Variants in SYNDIG1L observed in about 807,000 individuals in gnomAD.
SYNDIG1L encodes the protein synapse differentiation inducing 1 like.
In SYNDIG1L, 13 loss-of-function variants were observed where a neutral mutation model predicts 20.1. The ratio of observed to expected loss-of-function variants is 0.65; its 90% CI spans 0.42 to 1.03. SYNDIG1L has a LOEUF of 1.03. Among genes scored for constraint, SYNDIG1L ranks in the 50% least tolerant of loss-of-function variants. The probability of loss-of-function intolerance (pLI) is 0.00; values close to 1 mark genes in which losing one functional copy is unlikely to be tolerated. For missense variants in SYNDIG1L, 294 were observed against 305.1 expected (o/e 0.96, Z 0.27); for synonymous variants, 128 against 129.3 (o/e 0.99, Z 0.07).
the SYNDIG1L span, among the ~76,000 whole-genome samples, chr14:74,471,351 C>T: frequency 6.6e-6 from 1 of 152,228 alleles, no homozygotes; most frequent in South Asian, 2.1e-4. Context: ...TAATACAACA[C>T]TTTGTGAGGC....
At chr14:74,446,715 C>T in the SYNDIG1L span, among the ~76,000 whole-genome samples, 1 of 151,658 alleles carries the variant, frequency 6.6e-6, no homozygotes, top group South Asian at 2.1e-4. Flanking sequence ...CTTCCCAGCT[C>T]AAGCAATTCT....
intron 1 of SYNDIG1L, among the ~76,000 whole-genome samples, chr14:74,411,878 G>T (rs745772493): frequency 6.6e-6 from 1 of 152,212 alleles, no homozygotes; most frequent in Non-Finnish European, 1.5e-5. Context: ...CAGAGAAGGG[G>T]TTGTGGCCCA....
chr14:74,477,675 A>G, the SYNDIG1L span, among the ~76,000 whole-genome samples: 1 of 152,188 alleles, frequency 6.6e-6, no homozygotes, highest in African/African-American at 2.4e-5. Flanking sequence ...CTTTTCCCAA[A>G]CTGGAGATAT....
In SYNDIG1L at chr14:74,413,021, A is replaced by G. The variant is rs112620763; in HGVS notation, c.-57-3220T>C. 2.5e-3 allele frequency among the ~76,000 whole-genome samples: 382 copies of G among 152,266 alleles called. 4 individuals carry two copies. The highest frequency in any genetic ancestry group is 8.8e-3 in the African/African-American group (365 of 41,538). ...TCACCCCTGCCCTACGCTCTGTCTC[A>G]CCAGGAGGACTGCCCTCCTGTCTGA... is the stretch of plus-strand genomic sequence containing the variant. On this transcript the variant is annotated intron_variant, in intron 1 of 3. Transcript: ENST00000331628.
the SYNDIG1L span, among the ~76,000 whole-genome samples, chr14:74,454,796 A>G: frequency 1.1e-4 from 17 of 152,148 alleles, no homozygotes; most frequent in African/African-American, 2.9e-4. Context: ...TCCTTTCCCT[A>G]TAGTTTTTCC....
the SYNDIG1L span, among the ~76,000 whole-genome samples, chr14:74,433,627 C>T: frequency 3.3e-5 from 5 of 152,114 alleles, no homozygotes; most frequent in Admixed American, 6.6e-5. Flanking sequence ...TCAGGTGATC[C>T]GCCCACCTCA....
chr14:74,476,641 G>A, the SYNDIG1L span: 1 of 1,426,740 alleles, frequency 7.0e-7, no homozygotes, highest in Admixed American at 2.0e-5. Flanking sequence ...GTCGAGAGGA[G>A]CTGGCCGGAT....
At chr14:74,434,539 G>A in the SYNDIG1L span, among the ~76,000 whole-genome samples, 14 of 152,042 alleles carry the variant, frequency 9.2e-5, no homozygotes, top group African/African-American at 3.4e-4. Flanking sequence ...AGGTGGCAGA[G>A]GAGATGACTT....
chr14:74,478,192 C>T, the SYNDIG1L span, among the ~76,000 whole-genome samples: 1 of 152,158 alleles, frequency 6.6e-6, no homozygotes, highest in Non-Finnish European at 1.5e-5. Context: ...TAATCGACCA[C>T]CCCACCAAAT....
intron 1 of SYNDIG1L, among the ~76,000 whole-genome samples, chr14:74,410,391 G>T (rs559452869): frequency 6.6e-6 from 1 of 152,192 alleles, no homozygotes; most frequent in African/African-American, 2.4e-5. Context: ...GGAAAAGGCA[G>T]GTGTGGTGCA....
chr14:74,414,193 TAC>T (rs2086156566), intron 1 of SYNDIG1L, among the ~76,000 whole-genome samples: 1 of 152,250 alleles, frequency 6.6e-6, no homozygotes, highest in Admixed American at 6.5e-5. Context: ...CCTGAGGACC[TAC>T]GGGTGAGTGT....
intron 1 of SYNDIG1L, among the ~76,000 whole-genome samples, chr14:74,418,343 G>A (rs1487376428): frequency 6.6e-6 from 1 of 152,212 alleles, no homozygotes; most frequent in Non-Finnish European, 1.5e-5. Context: ...GGGGAACTGA[G>A]CTTTCTTTGT....
the SYNDIG1L span, among the ~76,000 whole-genome samples, chr14:74,469,694 G>A: frequency 2.0e-5 from 3 of 152,160 alleles, no homozygotes; most frequent in Non-Finnish European, 2.9e-5. Flanking sequence ...AGGCTCAGGG[G>A]CTACTTATGC....
upstream of SYNDIG1L, among the ~76,000 whole-genome samples, chr14:74,427,559 C>T (rs2086276389): frequency 6.6e-6 from 1 of 151,428 alleles, no homozygotes; most frequent in Non-Finnish European, 1.5e-5. Context: ...CTCCCTTATC[C>T]TGGGGTCTGT....
intron 1 of SYNDIG1L, among the ~76,000 whole-genome samples, chr14:74,420,252 C>G (rs796207959): frequency 7.9e-5 from 12 of 151,968 alleles, no homozygotes; most frequent in African/African-American, 2.9e-4. Context: ...CAAAATTAAC[C>G]AGGTGTGGTG....
At chr14:74,424,017 A>G (rs1172137148) in intron 1 of SYNDIG1L, among the ~76,000 whole-genome samples, 1 of 152,196 alleles carries the variant, frequency 6.6e-6, no homozygotes, top group Non-Finnish European at 1.5e-5. Context: ...TTAAGAAAAC[A>G]TCAGAAATAT....
intron 1 of SYNDIG1L, among the ~76,000 whole-genome samples, chr14:74,421,157 T>A (rs1182971823): frequency 6.6e-6 from 1 of 152,240 alleles, no homozygotes; most frequent in East Asian, 1.9e-4. Flanking sequence ...AAAAGAACAC[T>A]GCATCTATGA....
chr14:74,472,539 C>G, the SYNDIG1L span, among the ~76,000 whole-genome samples: 3 of 152,204 alleles, frequency 2.0e-5, no homozygotes, highest in Non-Finnish European at 4.4e-5. Context: ...TGTTGTCTCT[C>G]CCAAAGATGC....
chr14:74,449,601 A>G, the SYNDIG1L span, among the ~76,000 whole-genome samples: 1 of 148,344 alleles, frequency 6.7e-6, no homozygotes, highest in African/African-American at 2.5e-5. Context: ...ACAGAGCAAG[A>G]CTGTGCCTTA....
Sources: allele counts gnomAD v4.1 joint callset (sites outside exome capture counted in the v4.1 genomes callset), GRCh38; gene constraint gnomAD v4.1.1; transcripts MANE v1.5; gene names NCBI Gene and HGNC (gene_info 2026-07-23, HGNC 2026-07-21).